VCPIP1: variants seen among roughly 807,000 people sequenced by gnomAD.
The protein encoded by VCPIP1 is deubiquitinating protein VCPIP1.
VCPIP1 carries 8 observed loss-of-function variants against 85.0 expected under a neutral mutation model. The ratio of observed to expected loss-of-function variants is 0.09; its 90% CI spans 0.06 to 0.17. The LOEUF (loss-of-function observed/expected upper bound fraction) is 0.17, where lower values mean the gene tolerates loss of function less well. VCPIP1 is among the 10% of genes least tolerant of loss of function. VCPIP1 has a pLI of 1.00. For missense variants in VCPIP1, 1,070 were observed against 1,486.3 expected (o/e 0.72, Z 4.61); for synonymous variants, 543 against 544.5 (o/e 1.00, Z 0.04).
At position 66,664,232 on chromosome 8, in the gene VCPIP1, A is replaced by C; in HGVS notation, c.2710+17T>G. On this transcript the variant is annotated intron_variant, in intron 1 of 2. Coordinates refer to ENST00000310421, the MANE Select transcript of VCPIP1 (RefSeq NM_025054.5). ...ATTTACAATTAAGATATACCATCAG[A>C]ATTAAATTCATCTTACCCATTAATG... 6.5e-7 allele frequency: 1 copy of C among 1,530,796 alleles called. No homozygotes were observed. The highest frequency in any genetic ancestry group is 8.8e-7 in the Non-Finnish European group (1 of 1,137,968). The allele number at this position is 1,530,796 out of a possible 1,614,324, so 94.8% of individuals were successfully genotyped here.
In VCPIP1 at chr8:66,665,921, T is replaced by C. The variant is rs183274298; in HGVS notation, c.1038A>G (p.Ala346=). 1.2e-6 allele frequency: 2 copies of C among 1,614,178 alleles called. No individual in the cohort carries two copies. Among genetic ancestry groups the C allele is most frequent in the East Asian group, 2.2e-5 (1 of 44,880 alleles). The change falls in exon 1 of 3, where the codon GCA becomes GCG. Residue 346 remains alanine, a synonymous_variant. Transcript: ENST00000310421. This position sits in a 1 kb window ranked among gnomAD's most constrained non-coding sequence, Gnocchi z 4.3. ...DGHLNKPICI[A]WSSSGRNHYI... is the part of the protein sequence containing the mutation. ...AATGGTTTCTACCGGAGCTGCTCCA[T>C]GCAATACAGATTGGTTTGTTCAAAT...
Position 66,628,722 on chromosome 8 carries a change from A to T in VCPIP1, c.*5779T>A, listed in dbSNP as rs754941363. The T allele has an allele frequency of 3.3e-5, 5 of 152,242 alleles. No homozygotes were observed. The highest frequency in any genetic ancestry group is 7.3e-5 in the Non-Finnish European group (5 of 68,044). The allele number at this position is 152,242 out of a possible 1,614,324, so 9.4% of individuals were successfully genotyped here. A position where few individuals can be genotyped will look rare whatever the true frequency, so the allele number is the denominator to read the frequency against. On this transcript the variant is annotated 3_prime_UTR_variant, in exon 3 of 3. Coordinates refer to ENST00000310421, the MANE Select transcript of VCPIP1 (RefSeq NM_025054.5). ...TCCAAGTTTGGGATAACTGTAGCCA[A>T]CACCTAAAGGAAAGGTAATTATGTT...
At chr8:66,638,268 A>T (rs1810908448) in intron 2 of VCPIP1, among the ~76,000 whole-genome samples, 1 of 152,102 alleles carries the variant, frequency 6.6e-6, no homozygotes, top group Non-Finnish European at 1.5e-5. Context: ...AGGCAAATTG[A>T]CTACTTGAGC....
intron 2 of VCPIP1, among the ~76,000 whole-genome samples, chr8:66,639,235 T>A (rs747569252): frequency 1.1e-4 from 16 of 151,394 alleles, no homozygotes; most frequent in Non-Finnish European, 1.6e-4. Flanking sequence ...TCTGTCCGCC[T>A]TGGCCTCCCA....
chr8:66,638,705 G>C (rs1173893039), intron 2 of VCPIP1, among the ~76,000 whole-genome samples: 2 of 151,888 alleles, frequency 1.3e-5, no homozygotes, highest in Non-Finnish European at 2.9e-5. Flanking sequence ...TGTGAACCCA[G>C]GAGGCAGAGT....
At chr8:66,656,554 A>G (rs946363321) in intron 1 of VCPIP1, among the ~76,000 whole-genome samples, 17 of 152,212 alleles carry the variant, frequency 1.1e-4, no homozygotes, top group African/African-American at 3.9e-4. Flanking sequence ...TATGAGGCAA[A>G]GCAGTAAATT....
intron 2 of VCPIP1, among the ~76,000 whole-genome samples, chr8:66,643,651 C>CGAGGTTGCAGT (rs1810968507): frequency 2.0e-5 from 3 of 149,902 alleles, no homozygotes; most frequent in Non-Finnish European, 4.4e-5. Context: ...TGCAGTAAGC[C>CGAGGTTGCAGT]AAGATTGCAC....
At position 66,634,967 on chromosome 8, in the gene VCPIP1, T is replaced by A; in HGVS notation, c.3203A>T (p.Glu1068Val). 2 of 1,613,496 alleles carry A rather than the reference T, an allele frequency of 1.2e-6. No individual in the cohort carries two copies. The highest frequency in any genetic ancestry group is 1.7e-6 in the Non-Finnish European group (2 of 1,179,514). Residue 1068 changes from glutamate to valine, a missense_variant, in exon 3 of 3, where the codon GAG becomes GTG. Coordinates refer to ENST00000310421, the MANE Select transcript of VCPIP1 (RefSeq NM_025054.5). ...AGAAGAAGCTGTGAATACAGAAGGCTCTGTTTTAGTGGAACTATTACTAAA... is the reference window on the plus strand; with the variant it reads ...AGAAGAAGCTGTGAATACAGAAGGCACTGTTTTAGTGGAACTATTACTAAA... ...TDFSNSSTKT[E>V]PSVFTASSSN...
intron 1 of VCPIP1, among the ~76,000 whole-genome samples, chr8:66,659,171 A>G (rs1420374653): frequency 1.3e-5 from 2 of 152,104 alleles, no homozygotes; most frequent in African/African-American, 4.8e-5. Flanking sequence ...CCATGAAAGA[A>G]AACCTACAAA....
chr8:66,646,072 A>T lies in VCPIP1; in HGVS notation c.2797+5386T>A, dbSNP rs1404539683. Among the ~76,000 whole-genome samples the T allele has an allele frequency of 2.9e-3, 404 of 140,020 alleles. 2 individuals carry two copies. The highest frequency in any genetic ancestry group is 9.8e-3 in the African/African-American group (376 of 38,354). The allele number at this position is 140,020 out of a possible 152,430, so 91.9% of individuals were successfully genotyped here. ...CCAGATAAACTCAAAGTCAAAATGC[A>T]TTTTTTTTTTTTTTTTTGAGACAGA... On this transcript the variant is annotated intron_variant, in intron 2 of 2. Coordinates refer to ENST00000310421, the MANE Select transcript of VCPIP1 (RefSeq NM_025054.5).
chr8:66,653,752 T>TC (rs1811074169), intron 1 of VCPIP1, among the ~76,000 whole-genome samples: 2 of 152,158 alleles, frequency 1.3e-5, no homozygotes. Context: ...TTTCATTATC[T>TC]CCCCCTAAGG....
rs1810847534 is a variant in VCPIP1 at position 66,632,852 on chromosome 8, AATTTCCTGCTGTTTTGAT to A, written c.*1631_*1648del. The A allele has an allele frequency of 2.0e-5, 3 of 152,216 alleles. No individual in the cohort carries two copies. The South Asian group carries it at 6.2e-4, about 32-fold the overall frequency. The allele number at this position is 152,216 out of a possible 1,614,324, so 9.4% of individuals were successfully genotyped here. On this transcript the variant is annotated 3_prime_UTR_variant, in exon 3 of 3. Transcript: ENST00000310421. ...ATAGTGTACAATATAAAAGTTTAAA[AATTTCCTGCTGTTTTGAT>A]AGGGAGAAAATTTAGGATGAAGATA...
chr8:66,667,159 G>A lies in VCPIP1; in HGVS notation c.-201C>T, dbSNP rs185148748. On this transcript the variant is annotated 5_prime_UTR_variant, in exon 1 of 3. Transcript: ENST00000310421. ...TTACTTCTCCACTGCCGTAGCCGTTGCCCCGAACGTAACGGCCACCACCCC... is the reference window on the plus strand; with the variant it reads ...TTACTTCTCCACTGCCGTAGCCGTTACCCCGAACGTAACGGCCACCACCCC... 56 of 1,217,716 alleles carry A rather than the reference G, an allele frequency of 4.6e-5. No homozygotes were observed. The Admixed American group carries it at 1.2e-3, about 26-fold the overall frequency. 75.4% of individuals were successfully genotyped at this position (1,217,716 alleles called of 1,614,324 possible). A position where few individuals can be genotyped will look rare whatever the true frequency, so the allele number is the denominator to read the frequency against.
At position 66,664,724 on chromosome 8, in the gene VCPIP1, A is replaced by T; in HGVS notation, c.2235T>A (p.Thr745=). ...CATCACGAATGGTACTGGGAGAAAC[A>T]GTCCTGGGTTGCCCTTTTTGTTCTT... is the stretch of plus-strand genomic sequence containing the variant. The part of the protein sequence containing the change: ...LKQEQKGQPR[T]VSPSTIRDGP... Residue 745 remains threonine, a synonymous_variant, in exon 1 of 3, where the codon ACT becomes ACA. Transcript: ENST00000310421. 6.2e-7 allele frequency: 1 copy of T among 1,613,634 alleles called. No homozygotes were observed. The highest frequency in any genetic ancestry group is 8.5e-7 in the Non-Finnish European group (1 of 1,179,852).
chr8:66,666,354 T>G lies in VCPIP1; in HGVS notation c.605A>C (p.Asn202Thr), dbSNP rs1811209730. ...TGGAATGAGACATTCCTGGCTTTTA[T>G]TGGCCCGCTTAATGTCCTCCAGAGT... ...HDTLEDIKRA[N>T]KSQECLIPVH... Residue 202 changes from asparagine to threonine, a missense_variant, in exon 1 of 3, where the codon AAT becomes ACT. Coordinates refer to ENST00000310421, the MANE Select transcript of VCPIP1 (RefSeq NM_025054.5). This position sits in a 1 kb window ranked among gnomAD's most constrained non-coding sequence, Gnocchi z 6.3. 6.2e-7 allele frequency: 1 copy of G among 1,614,068 alleles called. No individual in the cohort carries two copies. Among genetic ancestry groups the G allele is most frequent in the African/African-American group, 1.3e-5 (1 of 74,930 alleles).
chr8:66,642,683 CTA>C (rs1810958970), intron 2 of VCPIP1, among the ~76,000 whole-genome samples: 1 of 152,156 alleles, frequency 6.6e-6, no homozygotes, highest in South Asian at 2.1e-4. Flanking sequence ...GTTGAAAAGA[CTA>C]TTCTTTCCCC....
At chr8:66,644,794 T>TAA (rs112573575) in intron 2 of VCPIP1, among the ~76,000 whole-genome samples, 4 of 137,540 alleles carry the variant, frequency 2.9e-5, no homozygotes, top group African/African-American at 5.3e-5. Context: ...AAGGGCAATG[T>TAA]AAAAAAAAAA....
intron 2 of VCPIP1, among the ~76,000 whole-genome samples, chr8:66,636,833 C>G (rs1810892012): frequency 6.6e-6 from 1 of 151,096 alleles, no homozygotes; most frequent in South Asian, 2.1e-4. Context: ...CCAGACTGGG[C>G]AACAGAGTGA....
At chr8:66,649,005 T>TA (rs890519688) in intron 2 of VCPIP1, among the ~76,000 whole-genome samples, 3 of 151,716 alleles carry the variant, frequency 2.0e-5, no homozygotes, top group Non-Finnish European at 4.4e-5. Context: ...ACAAAAAATG[T>TA]AAAAAAAATT....
Sources: allele counts gnomAD v4.1 joint callset (sites outside exome capture counted in the v4.1 genomes callset), GRCh38; gene constraint gnomAD v4.1.1; non-coding constraint Gnocchi (gnomAD v3.1); transcripts MANE v1.5; gene names NCBI Gene and HGNC (gene_info 2026-07-23, HGNC 2026-07-21).